The following TFPI variants were observed in gnomAD, a reference collection of about 807,000 sequenced individuals.
The protein encoded by TFPI is anti-convertin.
TFPI carries 15 observed loss-of-function variants against 34.6 expected under a neutral mutation model. The ratio of observed to expected loss-of-function variants is 0.43; its 90% confidence interval spans 0.29 to 0.67. The LOEUF is 0.67. Among genes scored for constraint, TFPI ranks in the 30% least tolerant of loss-of-function variants. The probability of loss-of-function intolerance (pLI) is 0.15; values close to 1 mark genes in which losing one functional copy is unlikely to be tolerated. For synonymous variants in TFPI, 105 were observed against 120.1 expected, an observed-to-expected ratio of 0.87 and a Z score of 0.82; for missense variants, 301 against 364.0, an observed-to-expected ratio of 0.83 and a Z score of 1.41.
chr2:187,538,975 GAAT>G (rs1299266615), intron 1 of TFPI, among the ~76,000 whole-genome samples: 5 of 152,078 alleles, frequency 3.3e-5, no homozygotes, highest in African/African-American at 1.2e-4. Flanking sequence ...TTAAACATTT[GAAT>G]AATATTAATA....
chr2:187,540,890 C>CAAAA (rs56921212), intron 1 of TFPI, among the ~76,000 whole-genome samples: 2 of 84,774 alleles, frequency 2.4e-5, no homozygotes, highest in African/African-American at 9.2e-5. Context: ...GACTCCATCT[C>CAAAA]AAAAAAAAAA....
intron 3 of TFPI, among the ~76,000 whole-genome samples, chr2:187,495,887 C>A (rs1685443727): frequency 6.6e-6 from 1 of 151,852 alleles, no homozygotes; most frequent in African/African-American, 2.4e-5. Context: ...AGCAACTCAA[C>A]TTATTCTATC....
At chr2:187,522,022 G>T (rs1574489082) in intron 1 of TFPI, among the ~76,000 whole-genome samples, 1 of 151,878 alleles carries the variant, frequency 6.6e-6, no homozygotes, top group African/African-American at 2.4e-5. Context: ...TATCTTATTT[G>T]TACGTCTTCT....
intron 1 of TFPI, among the ~76,000 whole-genome samples, chr2:187,510,610 G>A (rs1397795036): frequency 6.6e-6 from 1 of 152,186 alleles, no homozygotes; most frequent in Non-Finnish European, 1.5e-5. Flanking sequence ...GCTGTGCCCT[G>A]GGCCTGGTAG....
chr2:187,522,297 A>G (rs1014402027), intron 1 of TFPI, among the ~76,000 whole-genome samples: 3 of 151,976 alleles, frequency 2.0e-5, no homozygotes, highest in African/African-American at 7.3e-5. Context: ...CAATGTCAAG[A>G]TTTTCCCCTA....
intron 1 of TFPI, among the ~76,000 whole-genome samples, chr2:187,544,809 TAAG>T (rs1453865016): frequency 6.6e-6 from 1 of 152,170 alleles, no homozygotes; most frequent in Non-Finnish European, 1.5e-5. Context: ...ATCTCACTGA[TAAG>T]AAAAAATAAT....
At chr2:187,541,362 T>TA (rs1241848544) in intron 1 of TFPI, among the ~76,000 whole-genome samples, 3 of 152,182 alleles carry the variant, frequency 2.0e-5, no homozygotes, top group Admixed American at 6.5e-5. Flanking sequence ...CAAGGCCACC[T>TA]ACAGTGAGCA....
intron 4 of TFPI, among the ~76,000 whole-genome samples, chr2:187,487,839 A>G (rs1693397118): frequency 1.3e-5 from 2 of 151,430 alleles, no homozygotes; most frequent in Admixed American, 6.6e-5. Flanking sequence ...ACTCAGAGAC[A>G]TACATCCATT....
rs1688298970 is a variant in TFPI, at chr2:187,537,053, G to A, written c.-3+17147C>T. ...GAGATGTGAAGGACCTCTTCAAGGA[G>A]ATCTACAAACCACTGCTCAAGGAAA... On this transcript the variant is annotated intron_variant, in intron 1 of 7. Transcript: ENST00000233156. 2.0e-5 allele frequency among the ~76,000 whole-genome samples: 3 copies of A among 152,248 alleles called. No individual in the cohort carries two copies. The South Asian group carries it at 6.2e-4, about 32-fold the overall frequency.
intron 1 of TFPI, among the ~76,000 whole-genome samples, chr2:187,532,313 T>C (rs559222848): frequency 1.3e-5 from 2 of 152,366 alleles, no homozygotes; most frequent in South Asian, 4.1e-4. Context: ...GAAACAGCTC[T>C]GGTCTGCAGC....
intron 3 of TFPI, among the ~76,000 whole-genome samples, chr2:187,491,648 G>C (rs1685129862): frequency 6.6e-6 from 1 of 152,028 alleles, no homozygotes; most frequent in East Asian, 1.9e-4. Flanking sequence ...ACTGTAAATA[G>C]TGCTGTGCTA....
intron 3 of TFPI, among the ~76,000 whole-genome samples, chr2:187,491,587 T>C (rs779239267): frequency 4.4e-4 from 67 of 152,144 alleles, no homozygotes; most frequent in Non-Finnish European, 8.4e-4. Flanking sequence ...TCACATTTTA[T>C]TTACCCAATC....
At chr2:187,497,134 GTTCT>G (rs1176286439) in intron 2 of TFPI, 56 bp from the exon 3 acceptor site, 3 of 1,448,236 alleles carry the variant, frequency 2.1e-6, no homozygotes, top group South Asian at 2.5e-5. Context: ...CTGTAATAAT[GTTCT>G]TTATTTCCTT....
rs1686780073 is a variant in TFPI, at chr2:187,513,387, C to T, written c.-2-9617G>A. ...ATATGTCTACGAAGTTTTATGAAAA[C>T]TAAGTTTAACATTAATAACACACTA... is the stretch of plus-strand genomic sequence containing the variant. On this transcript the variant is annotated intron_variant, in intron 1 of 7. Transcript: ENST00000233156. 3.3e-5 allele frequency among the ~76,000 whole-genome samples: 5 copies of T among 152,248 alleles called. No individual in the cohort carries two copies. In the South Asian group the frequency reaches 1.0e-3, roughly 32 times the overall value.
At chr2:187,551,076 T>C (rs1689079310) in intron 1 of TFPI, among the ~76,000 whole-genome samples, 1 of 152,194 alleles carries the variant, frequency 6.6e-6, no homozygotes, top group African/African-American at 2.4e-5. Flanking sequence ...GTTTACATTT[T>C]ATCAGTGTCC....
intron 1 of TFPI, chr2:187,515,410 T>TCA (rs1469134723): frequency 6.6e-6 from 1 of 152,160 alleles, no homozygotes; most frequent in African/African-American, 2.4e-5. Context: ...TAAACATAAC[T>TCA]GTGTAGAGGT....
Position 187,509,666 on chromosome 2 carries a change from G to A in TFPI, c.-2-5896C>T, listed in dbSNP as rs369930976. On this transcript the variant is annotated intron_variant, in intron 1 of 7. Transcript: ENST00000233156. ...TATCCCCTTTATCATTTTTTATTGTGTCTATTTGCTTCTTCTCTTTTTTCT... is the reference window on the plus strand; with the variant it reads ...TATCCCCTTTATCATTTTTTATTGTATCTATTTGCTTCTTCTCTTTTTTCT... Among the ~76,000 whole-genome samples the A allele has an allele frequency of 1.7e-3, 264 of 152,078 alleles. 3 individuals carry two copies. Among genetic ancestry groups the A allele is most frequent in the African/African-American group, 6.1e-3 (253 of 41,500 alleles).
chr2:187,507,726 A>T (rs902216732), intron 1 of TFPI, among the ~76,000 whole-genome samples: 1 of 151,988 alleles, frequency 6.6e-6, no homozygotes, highest in Non-Finnish European at 1.5e-5. Flanking sequence ...TGTCAGATGG[A>T]TATATTGCAA....
At chr2:187,507,048 T>C (rs1270922882) in intron 1 of TFPI, among the ~76,000 whole-genome samples, 7 of 152,136 alleles carry the variant, frequency 4.6e-5, no homozygotes, top group Admixed American at 2.6e-4. Context: ...CCTAATGCTA[T>C]CCCTCCCCTA....
Sources: allele counts gnomAD v4.1 joint callset (sites outside exome capture counted in the v4.1 genomes callset), GRCh38; gene constraint gnomAD v4.1.1; transcripts MANE v1.5; gene names NCBI Gene and HGNC (gene_info 2026-07-23, HGNC 2026-07-21).